CFAP299: variants seen among roughly 807,000 people sequenced by gnomAD.
The protein encoded by CFAP299 is cilia and flagella associated protein 299.
Under a neutral mutation model 27.0 loss-of-function variants are expected in CFAP299, and 21 were observed. That is an observed-to-expected ratio of 0.78 (90% CI 0.55 to 1.12). CFAP299 has a LOEUF of 1.12. Among genes scored for constraint, CFAP299 ranks in the 50% most tolerant of loss-of-function variants. CFAP299 has a pLI of 0.00. For synonymous variants in CFAP299, 104 were observed against 98.1 expected (o/e 1.06, Z -0.36); for missense variants, 310 against 276.6 (o/e 1.12, Z -0.86).
intron 2 of CFAP299, among the ~76,000 whole-genome samples, chr4:80,485,221 A>C (rs1730747199): frequency 1.3e-5 from 2 of 150,628 alleles, no homozygotes. Context: ...TTTTCATTCT[A>C]TACATGTATA....
At position 80,439,852 on chromosome 4, in the gene CFAP299, C is replaced by T. The variant is rs115303845; in HGVS notation, c.242+76968C>T. On this transcript the variant is annotated intron_variant, in intron 2 of 5. Transcript: ENST00000358105. ...CAGTCTGAAGTCGACCTGCGACACTCGAGCTTGGTGGGGGGAAGGGCATCA... is the reference window on the plus strand; with the variant it reads ...CAGTCTGAAGTCGACCTGCGACACTTGAGCTTGGTGGGGGGAAGGGCATCA... 8.5e-3 allele frequency among the ~76,000 whole-genome samples: 1,291 copies of T among 152,270 alleles called. 21 individuals are homozygous for T. Among genetic ancestry groups the T allele is most frequent in the African/African-American group, 0.028 (1,180 of 41,558 alleles).
In CFAP299 at chr4:80,730,528, TAA is replaced by T. The variant is rs35014674; in HGVS notation, c.334-139453_334-139452del. On this transcript the variant is annotated intron_variant, in intron 3 of 5. Transcript: ENST00000358105. Reference sequence around the variant, plus strand: ...GCACAGTGGCTACCAGCTAAGCTGATAAAAAAAAAAAAAGTTTCATTCAAAAC... The same window carrying T: ...GCACAGTGGCTACCAGCTAAGCTGATAAAAAAAAAAAGTTTCATTCAAAAC... Among the ~76,000 whole-genome samples the T allele has an allele frequency of 2.6e-3, 361 of 141,262 alleles. 1 individual carries two copies. The highest frequency in any genetic ancestry group is 8.9e-3 in the African/African-American group (343 of 38,340). The allele number at this position is 141,262 out of a possible 152,430, so 92.7% of individuals were successfully genotyped here.
At chr4:80,610,104 A>G (rs1258796274) in intron 3 of CFAP299, among the ~76,000 whole-genome samples, 2 of 152,076 alleles carry the variant, frequency 1.3e-5, no homozygotes, top group African/African-American at 4.8e-5. Context: ...TTTATAAGGT[A>G]GTTCTAAGTA....
chr4:80,458,948 G>A lies in CFAP299; in HGVS notation c.242+96064G>A, dbSNP rs544139751. On this transcript the variant is annotated intron_variant, in intron 2 of 5. Coordinates refer to ENST00000358105, the MANE Select transcript of CFAP299 (RefSeq NM_152770.3). ...GGTTGAGACAATTAAAGCTCTTTGC[G>A]GATGGGACTTCTTTTTTTTTAATTT... Among the ~76,000 whole-genome samples the A allele has an allele frequency of 5.9e-4, 90 of 152,006 alleles. 1 individual carries two copies. The highest frequency in any genetic ancestry group is 2.0e-3 in the African/African-American group (81 of 41,464).
intron 2 of CFAP299, among the ~76,000 whole-genome samples, chr4:80,519,243 G>T (rs1336130952): frequency 6.6e-6 from 1 of 151,970 alleles, no homozygotes; most frequent in Non-Finnish European, 1.5e-5. Context: ...GTCTCGCTCT[G>T]TCACCCAGGC....
intron 2 of CFAP299, among the ~76,000 whole-genome samples, chr4:80,555,625 C>T (rs1007911618): frequency 6.6e-6 from 1 of 151,990 alleles, no homozygotes; most frequent in Non-Finnish European, 1.5e-5. Context: ...TCCATCAGTT[C>T]CTGGGCTTTT....
intron 3 of CFAP299, among the ~76,000 whole-genome samples, chr4:80,665,302 C>T (rs1054219014): frequency 3.3e-5 from 5 of 152,160 alleles, no homozygotes; most frequent in African/African-American, 1.2e-4. Flanking sequence ...TATTTAGTCT[C>T]TTTTATGATT....
chr4:80,905,695 A>T (rs1735148319), intron 4 of CFAP299, among the ~76,000 whole-genome samples: 1 of 152,160 alleles, frequency 6.6e-6, no homozygotes, highest in African/African-American at 2.4e-5. Flanking sequence ...TTCACATGGC[A>T]GCAGTAAGAA....
chr4:80,914,982 T>C (rs1735672505), intron 4 of CFAP299, among the ~76,000 whole-genome samples: 1 of 152,050 alleles, frequency 6.6e-6, no homozygotes, highest in African/African-American at 2.4e-5. Context: ...CTTTTATGTT[T>C]ATTATTTTAT....
chr4:80,578,622 G>T (rs192112389), intron 2 of CFAP299, among the ~76,000 whole-genome samples: 1 of 152,228 alleles, frequency 6.6e-6, no homozygotes, highest in East Asian at 1.9e-4. Flanking sequence ...ATATATTAAT[G>T]ATGTTTGCTG....
At chr4:80,653,591 G>A (rs762354487) in intron 3 of CFAP299, among the ~76,000 whole-genome samples, 6 of 151,966 alleles carry the variant, frequency 3.9e-5, no homozygotes, top group East Asian at 1.9e-4. Flanking sequence ...ACAGAAAGAT[G>A]AGCAAGTAAA....
intron 3 of CFAP299, among the ~76,000 whole-genome samples, chr4:80,595,242 G>A (rs1192541827): frequency 1.3e-5 from 2 of 151,890 alleles, no homozygotes; most frequent in African/African-American, 4.9e-5. Context: ...TTTCCTTCTT[G>A]TATGCAGCCT....
intron 2 of CFAP299, among the ~76,000 whole-genome samples, chr4:80,534,656 T>C (rs1238243392): frequency 6.6e-6 from 1 of 152,126 alleles, no homozygotes; most frequent in Non-Finnish European, 1.5e-5. Flanking sequence ...AGACATATGT[T>C]TAAAGTATAA....
chr4:80,468,908 A>C (rs1729848138), intron 2 of CFAP299, among the ~76,000 whole-genome samples: 1 of 151,892 alleles, frequency 6.6e-6, no homozygotes, highest in African/African-American at 2.4e-5. Flanking sequence ...ACTCATTGGC[A>C]AATGTGATTT....
chr4:80,937,862 G>T (rs72865199), intron 4 of CFAP299, among the ~76,000 whole-genome samples: 12,722 of 151,796 alleles, frequency 0.084, 1,299 homozygotes, highest in African/African-American at 0.24. Flanking sequence ...GATTATATTT[G>T]GATTGTGCAT....
chr4:80,516,772 G>A (rs971111770), intron 2 of CFAP299, among the ~76,000 whole-genome samples: 1 of 152,116 alleles, frequency 6.6e-6, no homozygotes, highest in Non-Finnish European at 1.5e-5. Flanking sequence ...CCTCAAGAAA[G>A]TAGTTGCCAT....
chr4:80,525,635 T>C (rs1733138856), intron 2 of CFAP299, among the ~76,000 whole-genome samples: 1 of 152,144 alleles, frequency 6.6e-6, no homozygotes, highest in South Asian at 2.1e-4. Flanking sequence ...TTGCATAATC[T>C]GGCCGTTTCC....
intron 3 of CFAP299, among the ~76,000 whole-genome samples, chr4:80,764,645 G>A (rs1454469260): frequency 2.0e-5 from 3 of 152,118 alleles, no homozygotes; most frequent in Non-Finnish European, 4.4e-5. Flanking sequence ...ACATGCTCAT[G>A]TATGTTTATT....
chr4:80,888,939 C>T (rs571769262), intron 4 of CFAP299, among the ~76,000 whole-genome samples: 177 of 139,146 alleles, frequency 1.3e-3, no homozygotes, highest in African/African-American at 4.4e-3. Context: ...AATGGAAACA[C>T]GACATGCCAA....
Sources: gnomAD v4.1 joint callset for allele counts (sites outside exome capture counted in the v4.1 genomes callset) on GRCh38, gnomAD v4.1.1 for gene constraint, MANE v1.5 for transcripts, NCBI Gene and HGNC (gene_info 2026-07-23, HGNC 2026-07-21) for gene names.